The following FUCA1 variants were observed in gnomAD, a reference collection of about 807,000 sequenced individuals.
The protein encoded by FUCA1 is tissue alpha-L-fucosidase.
In FUCA1, 52 loss-of-function variants were observed where a neutral mutation model predicts 56.8. The observed-to-expected ratio is 0.92, with a 90% CI of 0.73 to 1.15. The LOEUF (loss-of-function observed/expected upper bound fraction) is 1.15, where lower values mean the gene tolerates loss of function less well. Among genes scored for constraint, FUCA1 ranks in the 50% most tolerant of loss-of-function variants. The pLI is 0.00. For missense variants in FUCA1, 568 were observed against 592.6 expected (o/e 0.96, Z 0.43); for synonymous variants, 230 against 226.6 (o/e 1.02, Z -0.14).
intron 3 of FUCA1, among the ~76,000 whole-genome samples, chr1:23,862,237 C>T (rs534777374): frequency 2.6e-5 from 4 of 152,196 alleles, no homozygotes; most frequent in South Asian, 4.1e-4. Flanking sequence ...AGCAGGATCT[C>T]GGCTCACTGC....
At position 23,867,597 on chromosome 1, in the gene FUCA1, T is replaced by C. The variant is rs1639651317; in HGVS notation, c.389+301A>G. On this transcript the variant is annotated intron_variant, in intron 1 of 7. Coordinates refer to ENST00000374479, the MANE Select transcript of FUCA1 (RefSeq NM_000147.5). This position sits in a 1 kb window ranked among gnomAD's most constrained non-coding sequence, Gnocchi z 4.9. ...TGAAACCCTGGAGTCCTGATAGTGC[T>C]GTCAATCTGAAAGGGACATCAGGTA... The C allele has an allele frequency of 2.3e-6, 1 of 432,046 alleles. No individual in the cohort carries two copies. The highest frequency in any genetic ancestry group is 9.7e-5 in the South Asian group (1 of 10,358). The allele number at this position is 432,046 out of a possible 1,614,324, so 26.8% of individuals were successfully genotyped here.
chr1:23,865,863 G>T (rs1639613209), intron 1 of FUCA1, among the ~76,000 whole-genome samples: 1 of 152,210 alleles, frequency 6.6e-6, no homozygotes, highest in East Asian at 1.9e-4. Context: ...CAGCAAAGGA[G>T]GAGGCCCAGA....
At chr1:23,852,482 G>C (rs1252831636) in intron 5 of FUCA1, among the ~76,000 whole-genome samples, 1 of 128,104 alleles carries the variant, frequency 7.8e-6, no homozygotes, top group Admixed American at 8.7e-5. Flanking sequence ...CTCTCCCCAC[G>C]GTCTCCCTCT....
At chr1:23,864,475 G>A (rs948325458) in intron 2 of FUCA1, among the ~76,000 whole-genome samples, 1 of 152,188 alleles carries the variant, frequency 6.6e-6, no homozygotes, top group South Asian at 2.1e-4. Context: ...GTTAAGAATG[G>A]TGAGTGTTAC....
At chr1:23,853,598 A>C (rs1026036483) in intron 5 of FUCA1, among the ~76,000 whole-genome samples, 1 of 151,746 alleles carries the variant, frequency 6.6e-6, no homozygotes, top group Non-Finnish European at 1.5e-5. Flanking sequence ...CCATGATGAC[A>C]ATGGCGGTTT....
chr1:23,845,941 G>T (rs568668791), intron 7 of FUCA1, 86 bp from the exon 8 acceptor site: 47 of 1,562,066 alleles, frequency 3.0e-5, no homozygotes, highest in Non-Finnish European at 4.1e-5. Context: ...AAACAGCCAC[G>T]CTGGGCCAGG....
At chr1:23,859,760 T>C (rs1368929719) in intron 4 of FUCA1, 38 bp downstream of exon 4, 1 of 1,353,840 alleles carries the variant, frequency 7.4e-7, no homozygotes, top group East Asian at 2.3e-5. Flanking sequence ...ACTTTCTTTC[T>C]TCATAGGAGA....
At position 23,854,219 on chromosome 1, in the gene FUCA1, T is replaced by G. The variant is rs918804377; in HGVS notation, c.969+141A>C. 3 of 739,556 alleles carry G rather than the reference T, an allele frequency of 4.1e-6. 1 individual carries two copies. The highest frequency in any genetic ancestry group is 6.6e-6 in the Non-Finnish European group (3 of 453,860). The allele number at this position is 739,556 out of a possible 1,614,324, so 45.8% of individuals were successfully genotyped here. ...TAAATTTTGTTTATAATGATCTCGC[T>G]TTTCTTCATAATTTTACCTCCAAAA... On this transcript the variant is annotated intron_variant, in intron 5 of 7. Transcript: ENST00000374479.
chr1:23,864,859 C>T (rs1435950257), intron 2 of FUCA1, among the ~76,000 whole-genome samples: 1 of 152,112 alleles, frequency 6.6e-6, no homozygotes, highest in East Asian at 1.9e-4. Context: ...CAAACGCCAC[C>T]ACGCCCGGCT....
At chr1:23,860,350 G>A (rs1226181567) in intron 3 of FUCA1, among the ~76,000 whole-genome samples, 14 of 152,030 alleles carry the variant, frequency 9.2e-5, no homozygotes, top group African/African-American at 3.4e-4. Context: ...TTGGGAGGCC[G>A]AGATGGGCGG....
Position 23,867,350 on chromosome 1 carries a change from C to T in FUCA1, c.389+548G>A, listed in dbSNP as rs976350222. Among the ~76,000 whole-genome samples the T allele has an allele frequency of 6.6e-6, 1 of 152,292 alleles. No homozygotes were observed. The highest frequency in any genetic ancestry group is 1.9e-4 in the East Asian group (1 of 5,188). On this transcript the variant is annotated intron_variant, in intron 1 of 7. Transcript: ENST00000374479. The surrounding 1 kb of genome is among the most constrained non-coding windows in gnomAD (Gnocchi z 4.9). ...TCAGACCCTTCCTGGACACTTCCTA[C>T]GTAAAAGGGATTGAGAGGAGCAAAC...
At chr1:23,852,100 T>TAAA (rs1553136236) in intron 5 of FUCA1, among the ~76,000 whole-genome samples, 9 of 149,784 alleles carry the variant, frequency 6.0e-5, no homozygotes, top group East Asian at 3.9e-4. Context: ...ATAATAATAA[T>TAAA]AAAAAGTGGT....
At chr1:23,846,562 C>T (rs1284208676) in intron 6 of FUCA1, among the ~76,000 whole-genome samples, 1 of 151,002 alleles carries the variant, frequency 6.6e-6, no homozygotes, top group East Asian at 2.0e-4. Context: ...TGAGCCATTG[C>T]ACTCAGCTCC....
rs561482353 is a variant in FUCA1, at chr1:23,859,258, T to C, written c.768+540A>G. 2.0e-5 allele frequency among the ~76,000 whole-genome samples: 3 copies of C among 152,274 alleles called. No individual in the cohort carries two copies. In the South Asian group the frequency reaches 6.2e-4, roughly 32 times the overall value. On this transcript the variant is annotated intron_variant, in intron 4 of 7. Coordinates refer to ENST00000374479, the MANE Select transcript of FUCA1 (RefSeq NM_000147.5). ...AAATTTACCACTGTTTAAACCTATATTGTCAAAGTTAAGAACTAAAGGAGA... is the reference window on the plus strand; with the variant it reads ...AAATTTACCACTGTTTAAACCTATACTGTCAAAGTTAAGAACTAAAGGAGA...
At chr1:23,853,598 A>G (rs1026036483) in intron 5 of FUCA1, among the ~76,000 whole-genome samples, 1 of 151,860 alleles carries the variant, frequency 6.6e-6, no homozygotes, top group East Asian at 1.9e-4. Flanking sequence ...CCATGATGAC[A>G]ATGGCGGTTT....
chr1:23,861,322 C>CA (rs34240712), intron 3 of FUCA1, among the ~76,000 whole-genome samples: 9,779 of 60,060 alleles, frequency 0.16, 1,095 homozygotes, highest in African/African-American at 0.22. Flanking sequence ...GACTCCGTCT[C>CA]AAAAAAAAAA....
rs1639349703 is a variant in FUCA1, at chr1:23,854,426, C to T, written c.903G>A (p.Lys301=). 4 of 1,613,940 alleles carry T rather than the reference C, an allele frequency of 2.5e-6. No homozygotes were observed. The highest frequency in any genetic ancestry group is 3.4e-6 in the Non-Finnish European group (4 of 1,180,028). Residue 301 remains lysine, a synonymous_variant, in exon 5 of 8, where the codon AAG becomes AAA. Coordinates refer to ENST00000374479, the MANE Select transcript of FUCA1 (RefSeq NM_000147.5). ...TGTCACGACGATAGCCCCAGGAAAACTTGTCAATGCTGGTGCACATCTCCC... is the reference window on the plus strand; with the variant it reads ...TGTCACGACGATAGCCCCAGGAAAATTTGTCAATGCTGGTGCACATCTCCC... The part of the protein sequence containing the change: ...HKWEMCTSID[K]FSWGYRRDMA...
rs1474078454 is a variant in FUCA1 at position 23,848,660 on chromosome 1, T to A, written c.1149A>T (p.Thr383=). Residue 383 remains threonine (T), a synonymous_variant, in exon 6 of 8, where the codon ACA becomes ACT. Coordinates refer to ENST00000374479, the MANE Select transcript of FUCA1 (RefSeq NM_000147.5). ...AAGACAAGACTCACCATACAGATGT[T>A]GTGTTCTTTTCCCATTGCACCCGCC... is the stretch of plus-strand genomic sequence containing the variant. ...KPWRVQWEKN[T]TSVWYTSKGS... 8 of 1,614,052 alleles carry A rather than the reference T, an allele frequency of 5.0e-6. No individual in the cohort carries two copies. The highest frequency in any genetic ancestry group is 1.7e-5 in the Admixed American group (1 of 60,004).
intron 1 of FUCA1, 121 bp from the exon 2 acceptor site, chr1:23,865,746 C>T: frequency 9.1e-7 from 1 of 1,096,348 alleles, no homozygotes; most frequent in Non-Finnish European, 1.4e-6. Context: ...TGTACTTGTA[C>T]CAGTGACTAT....
Sources: gnomAD v4.1 joint callset for allele counts (sites outside exome capture counted in the v4.1 genomes callset) on GRCh38, gnomAD v4.1.1 for gene constraint, Gnocchi (gnomAD v3.1) non-coding constraint, MANE v1.5 for transcripts, NCBI Gene and HGNC (gene_info 2026-07-23, HGNC 2026-07-21) for gene names.